Variants in CDH5 observed in about 807,000 individuals in gnomAD.
The protein encoded by CDH5 is cadherin-5.
In CDH5, 28 loss-of-function variants were observed where a neutral mutation model predicts 62.0. The observed-to-expected ratio is 0.45, with a 90% CI of 0.33 to 0.62. CDH5 has a LOEUF of 0.62. Among genes scored for constraint, CDH5 ranks in the 20% least tolerant of loss-of-function variants. The pLI, the probability that CDH5 is intolerant of heterozygous loss-of-function variation, is 0.02. For missense variants in CDH5, 940 were observed against 1,065.1 expected (o/e 0.88, Z 1.63); for synonymous variants, 464 against 445.8 (o/e 1.04, Z -0.52).
In CDH5 at chr16:66,398,105, A is replaced by G; in HGVS notation, c.1484A>G (p.Gln495Arg). Residue 495 changes from glutamine to arginine, a missense_variant and splice_region_variant, in exon 9 of 12, where the codon CAG becomes CGG. Physicochemically the swap from Gln to Arg is conservative, Grantham distance 43. Transcript: ENST00000341529. Reference protein sequence around the residue: ...PKVCENAVHGQLVLQISAIDK... With the variant: ...PKVCENAVHGRLVLQISAIDK... The stretch of plus-strand genomic sequence containing the variant: ...GTGTGTGAGAACGCTGTCCATGGCC[A>G]GGTGAGTCTGGTTCAGGTGGGAGGG... 6.2e-7 allele frequency: 1 copy of G among 1,614,254 alleles called. No individual in the cohort carries two copies. Among genetic ancestry groups the G allele is most frequent in the South Asian group, 1.1e-5 (1 of 91,092 alleles).
intron 10 of CDH5, among the ~76,000 whole-genome samples, chr16:66,400,549 A>G (rs1394084109): frequency 1.3e-5 from 2 of 152,190 alleles, no homozygotes; most frequent in Admixed American, 1.3e-4. Flanking sequence ...TCACCAAGGC[A>G]TCCTTGGAGA....
At chr16:66,391,783 G>GA in intron 6 of CDH5, among the ~76,000 whole-genome samples, 1 of 152,256 alleles carries the variant, frequency 6.6e-6, no homozygotes, top group Non-Finnish European at 1.5e-5. Flanking sequence ...CAAGAACAAA[G>GA]AAAAAGCCTG....
Position 66,389,497 on chromosome 16 carries a change from T to C in CDH5, c.756T>C (p.Asn252=). ...TGCTGGTCACTCTGCAAGACATCAATGACAACTTCCCCTTCTTCACCCAGA... is the reference window on the plus strand; with the variant it reads ...TGCTGGTCACTCTGCAAGACATCAACGACAACTTCCCCTTCTTCACCCAGA... ...ATVLVTLQDI[N]DNFPFFTQTK... The change falls in exon 5 of 12, where the codon AAT becomes AAC. Residue 252 remains asparagine (N), a synonymous_variant. Transcript: ENST00000341529. The C allele has an allele frequency of 6.2e-7, 1 of 1,601,226 alleles. No individual in the cohort carries two copies. Among genetic ancestry groups the C allele is most frequent in the Non-Finnish European group, 8.5e-7 (1 of 1,171,330 alleles).
chr16:66,391,231 A>G (rs957347149), intron 6 of CDH5, among the ~76,000 whole-genome samples: 10 of 152,204 alleles, frequency 6.6e-5, no homozygotes, highest in African/African-American at 1.9e-4. Flanking sequence ...GGAAACACCA[A>G]GGAGAGGCAG....
At chr16:66,392,619 G>A (rs993501517) in intron 7 of CDH5, 5 of 548,730 alleles carry the variant, frequency 9.1e-6, no homozygotes, top group Non-Finnish European at 1.6e-5. Flanking sequence ...CTTGTCCTCT[G>A]TCCGGCCTTG....
chr16:66,374,842 C>A (rs1451139787), intron 1 of CDH5, among the ~76,000 whole-genome samples: 1 of 151,988 alleles, frequency 6.6e-6, no homozygotes, highest in Non-Finnish European at 1.5e-5. Context: ...TACATGTGCA[C>A]AACGTGCAGG....
chr16:66,371,801 G>A (rs542091101), intron 1 of CDH5, among the ~76,000 whole-genome samples: 85 of 152,176 alleles, frequency 5.6e-4, no homozygotes, highest in African/African-American at 2.0e-3. Flanking sequence ...CAGGGGCTGA[G>A]GGGCTGGACC....
chr16:66,401,609 G>A (rs1961283074), intron 11 of CDH5, among the ~76,000 whole-genome samples: 2 of 152,136 alleles, frequency 1.3e-5, no homozygotes, highest in Non-Finnish European at 2.9e-5. Flanking sequence ...TGGTTTATTT[G>A]GGAGGTGGTT....
intron 11 of CDH5, among the ~76,000 whole-genome samples, chr16:66,402,410 C>T (rs531767552): frequency 2.5e-5 from 2 of 80,214 alleles, no homozygotes; most frequent in South Asian, 8.8e-4. Context: ...GGGGGAGCGG[C>T]AGGGACGGGG....
intron 7 of CDH5, among the ~76,000 whole-genome samples, chr16:66,395,030 T>TTTTTTTTG (rs1961154128): frequency 1.7e-5 from 1 of 60,588 alleles, no homozygotes; most frequent in African/African-American, 7.8e-5. Flanking sequence ...TTTTTTTTTT[T>TTTTTTTTG]TTTTTTTTTT....
rs34814895 is a variant in CDH5 at position 66,373,407 on chromosome 16, ATTT to A, written c.-19-5895_-19-5893del. ...CTGCAGCCCCCATTTTGGTTAGCCA[ATTT>A]TTTTTTTTTTTTTTTTGAGACGAAG... On this transcript the variant is annotated intron_variant, in intron 1 of 11. Transcript: ENST00000341529. 2.2e-3 allele frequency among the ~76,000 whole-genome samples: 290 copies of A among 133,730 alleles called. 5 individuals are homozygous for A. The highest frequency in any genetic ancestry group is 7.0e-3 in the African/African-American group (245 of 34,924). 87.7% of individuals were successfully genotyped at this position (133,730 alleles called of 152,430 possible).
intron 7 of CDH5, chr16:66,392,709 A>C (rs1000787798): frequency 1.0e-5 from 3 of 297,548 alleles, no homozygotes; most frequent in Non-Finnish European, 1.9e-5. Flanking sequence ...CAATCAGACG[A>C]CACACCAGAG....
chr16:66,395,503 C>CTTTTTTTTTTTTTTTTTTTT (rs56675642), intron 7 of CDH5: 317 of 80,840 alleles, frequency 3.9e-3, no homozygotes, highest in Non-Finnish European at 4.1e-3. Flanking sequence ...CTTTTCTTTT[C>CTTTTTTTTTTTTTTTTTTTT]TTTTTTTTTT....
At chr16:66,387,472 G>C (rs1961006570) in intron 3 of CDH5, among the ~76,000 whole-genome samples, 1 of 152,126 alleles carries the variant, frequency 6.6e-6, no homozygotes, top group Admixed American at 6.5e-5. Flanking sequence ...CCTGACCCTA[G>C]TCATAAACTT....
intron 2 of CDH5, 103 bp downstream of exon 2, chr16:66,379,650 T>A (rs1960851394): frequency 5.0e-6 from 5 of 1,008,908 alleles, no homozygotes; most frequent in Non-Finnish European, 6.1e-6. Context: ...ATAGATATTG[T>A]GGTGGTTGTA....
At chr16:66,375,603 T>C (rs574428297) in intron 1 of CDH5, among the ~76,000 whole-genome samples, 2 of 152,196 alleles carry the variant, frequency 1.3e-5, no homozygotes, top group East Asian at 3.9e-4. Flanking sequence ...GTACATACCA[T>C]GAGTGGAGCT....
In CDH5 at chr16:66,395,886, A is replaced by C. The variant is rs1596944531; in HGVS notation, c.1218-173A>C. ...TCAAAGACATTATCTTGCTATCCTGAATCCCTCTGTGTAGGTCCACTCTTG... is the reference window on the plus strand; with the variant it reads ...TCAAAGACATTATCTTGCTATCCTGCATCCCTCTGTGTAGGTCCACTCTTG... On this transcript the variant is annotated intron_variant, in intron 7 of 11. Coordinates refer to ENST00000341529, the MANE Select transcript of CDH5 (RefSeq NM_001795.5). 4 of 587,538 alleles carry C rather than the reference A, an allele frequency of 6.8e-6. No individual in the cohort carries two copies. The East Asian group carries it at 1.2e-4, about 18-fold the overall frequency. 36.4% of individuals were successfully genotyped at this position (587,538 alleles called of 1,614,324 possible). A position where few individuals can be genotyped will look rare whatever the true frequency, so the allele number is the denominator to read the frequency against.
At chr16:66,397,247 T>A (rs1961201716) in intron 8 of CDH5, among the ~76,000 whole-genome samples, 1 of 152,094 alleles carries the variant, frequency 6.6e-6, no homozygotes, top group African/African-American at 2.4e-5. Context: ...AGAAACAGGG[T>A]CTCACTCTGT....
At chr16:66,379,684 G>C in intron 2 of CDH5, 137 bp downstream of exon 2, 1 of 728,638 alleles carries the variant, frequency 1.4e-6, no homozygotes, top group South Asian at 1.7e-5. Flanking sequence ...TAAGGGTGAA[G>C]GTGGTAGCAA....
Sources: gnomAD v4.1 joint callset for allele counts (sites outside exome capture counted in the v4.1 genomes callset) on GRCh38, gnomAD v4.1.1 for gene constraint, MANE v1.5 for transcripts, NCBI Gene and HGNC (gene_info 2026-07-23, HGNC 2026-07-21) for gene names.